Variants in CHD5 observed in about 807,000 individuals in gnomAD.
CHD5 encodes chromodomain helicase DNA binding protein 5.
In CHD5, 69 loss-of-function variants were observed where a neutral mutation model predicts 230.3. That is an observed-to-expected ratio of 0.30 (90% CI 0.25 to 0.37). The LOEUF (loss-of-function observed/expected upper bound fraction) is 0.37. Ranked by LOEUF, CHD5 falls within the 10% of genes least tolerant of loss-of-function variation. The pLI is 1.00. For missense variants in CHD5, 1,827 were observed against 2,622.8 expected (o/e 0.70, Z 6.63); for synonymous variants, 1,064 against 1,065.9 (o/e 1.00, Z 0.03).
intron 34 of CHD5, 63 bp downstream of exon 34, chr1:6,112,846 G>A: frequency 8.1e-7 from 1 of 1,229,808 alleles, no homozygotes; most frequent in Non-Finnish European, 1.2e-6. Context: ...GGCTGAACAG[G>A]GTCCAGAGGG....
At chr1:6,173,034 G>A (rs757422902) in intron 1 of CHD5, among the ~76,000 whole-genome samples, 17 of 151,968 alleles carry the variant, frequency 1.1e-4, no homozygotes, top group East Asian at 1.9e-4. Context: ...TGCAAAGGCC[G>A]GCAAACCTGC....
rs1246256612 is a variant in CHD5 at position 6,180,018 on chromosome 1, C to T, written c.6G>A (p.Arg2=). M[R]GPVGTEEELP... The stretch of plus-strand genomic sequence containing the variant: ...GCTCCTCCTCGGTGCCCACTGGGCC[C>T]CGCATGCCCGGCGCGGGGAGGAGGG... The change falls in exon 1 of 42, where the codon CGG becomes CGA. Residue 2 remains arginine (R), a synonymous_variant. Transcript: ENST00000262450. The T allele has an allele frequency of 1.6e-5, 22 of 1,352,492 alleles. No individual in the cohort carries two copies. The East Asian group carries it at 7.0e-4, about 43-fold the overall frequency. The allele number at this position is 1,352,492 out of a possible 1,614,324, so 83.8% of individuals were successfully genotyped here. A position where few individuals can be genotyped will look rare whatever the true frequency, so the allele number is the denominator to read the frequency against.
At chr1:6,107,790 G>GAATGGAGGGATGATGGAAA (rs1666216466) in intron 38 of CHD5, among the ~76,000 whole-genome samples, 1 of 126,314 alleles carries the variant, frequency 7.9e-6, no homozygotes, top group Non-Finnish European at 1.7e-5. Context: ...GATGATGGAA[G>GAATGGAGGGATGATGGAAA]AATGAAGGGA....
Position 6,179,936 on chromosome 1 carries a change from C to A in CHD5, c.79+9G>T, listed in dbSNP as rs200673070. 1 of 1,317,092 alleles carries A rather than the reference C, an allele frequency of 7.6e-7. No homozygotes were observed. The highest frequency in any genetic ancestry group is 1.4e-5 in the South Asian group (1 of 72,228). 81.6% of individuals were successfully genotyped at this position (1,317,092 alleles called of 1,614,324 possible). The stretch of plus-strand genomic sequence containing the variant: ...GCTCTGGCCCCAGGCGCACCCGCGC[C>A]CCGCTCACCTGACATCTCGTCCTCA... On this transcript the variant is annotated intron_variant, in intron 1 of 41. Transcript: ENST00000262450.
intron 2 of CHD5, among the ~76,000 whole-genome samples, chr1:6,166,167 G>A (rs1667249889): frequency 6.6e-6 from 1 of 151,268 alleles, no homozygotes; most frequent in Non-Finnish European, 1.5e-5. Flanking sequence ...GGGCAGAGGG[G>A]CCAGGGTCTC....
chr1:6,103,768 T>A lies in CHD5; in HGVS notation c.*1706A>T, dbSNP rs1666112934. 6.6e-6 allele frequency: 1 copy of A among 152,208 alleles called. No individual in the cohort carries two copies. Among genetic ancestry groups the A allele is most frequent in the Non-Finnish European group, 1.5e-5 (1 of 68,048 alleles). 9.4% of individuals were successfully genotyped at this position (152,208 alleles called of 1,614,324 possible). A position where few individuals can be genotyped will look rare whatever the true frequency, so the allele number is the denominator to read the frequency against. On this transcript the variant is annotated 3_prime_UTR_variant, in exon 42 of 42. Coordinates refer to ENST00000262450, the MANE Select transcript of CHD5 (RefSeq NM_015557.3). ...CTGGATCCAGACTGGAGTGTGGGAATGCGCCAAGAGGAAGGACTTGTAGGT... is the reference window on the plus strand; with the variant it reads ...CTGGATCCAGACTGGAGTGTGGGAAAGCGCCAAGAGGAAGGACTTGTAGGT...
At chr1:6,137,012 G>A in intron 15 of CHD5, 147 bp from the exon 16 acceptor site, 1 of 745,570 alleles carries the variant, frequency 1.3e-6, no homozygotes, top group South Asian at 2.1e-5. Flanking sequence ...GACCAGAGGG[G>A]CAGATGCTGA....
Position 6,121,181 on chromosome 1 carries a change from G to C in CHD5, c.4836C>G (p.Ala1612=), listed in dbSNP as rs764809136. The C allele has an allele frequency of 6.2e-7, 1 of 1,614,046 alleles. No individual in the cohort carries two copies. The highest frequency in any genetic ancestry group is 8.5e-7 in the Non-Finnish European group (1 of 1,179,984). The part of the protein sequence containing the change: ...VESEDKHESP[A]SKERAREERP... ...GCTCCTCTCGGGCTCTCTCCTTGCTGGCTGGGCTCTCGTGCTTGTCCTCAC... is the reference window on the plus strand; with the variant it reads ...GCTCCTCTCGGGCTCTCTCCTTGCTCGCTGGGCTCTCGTGCTTGTCCTCAC... The change falls in exon 33 of 42, where the codon GCC becomes GCG. Residue 1612 remains alanine, a synonymous_variant. Coordinates refer to ENST00000262450, the MANE Select transcript of CHD5 (RefSeq NM_015557.3). The surrounding 1 kb of genome is among the most constrained non-coding windows in gnomAD (Gnocchi z 4.5).
chr1:6,132,626 G>C (rs371813559), intron 20 of CHD5, among the ~76,000 whole-genome samples: 1 of 152,082 alleles, frequency 6.6e-6, no homozygotes, highest in Non-Finnish European at 1.5e-5. Flanking sequence ...CTTTGTCTCT[G>C]TACATTGCAT....
chr1:6,164,208 C>A (rs957987809), intron 2 of CHD5, among the ~76,000 whole-genome samples: 8 of 152,226 alleles, frequency 5.3e-5, no homozygotes, highest in Admixed American at 2.0e-4. Context: ...CGCACCGCAT[C>A]TCCTAAAAAC....
intron 2 of CHD5, among the ~76,000 whole-genome samples, chr1:6,166,776 C>A (rs1255880431): frequency 6.6e-6 from 1 of 152,158 alleles, no homozygotes; most frequent in Non-Finnish European, 1.5e-5. Flanking sequence ...CCCCCACCAC[C>A]ACCATCTCTC....
intron 15 of CHD5, among the ~76,000 whole-genome samples, chr1:6,141,820 AG>A (rs1322431591): frequency 2.0e-5 from 3 of 152,156 alleles, no homozygotes; most frequent in African/African-American, 7.2e-5. Flanking sequence ...GGAGGAAGGA[AG>A]GGTTCTCCCC....
chr1:6,164,176 T>A (rs1381584134), intron 2 of CHD5, among the ~76,000 whole-genome samples: 2 of 152,160 alleles, frequency 1.3e-5, no homozygotes, highest in African/African-American at 4.8e-5. Context: ...CTCCCTTCCC[T>A]CTAGGCCCGA....
chr1:6,130,189 G>GGCA lies in CHD5; in HGVS notation c.3387+12_3387+14dup. 1 of 1,613,224 alleles carries GGCA rather than the reference G, an allele frequency of 6.2e-7. No homozygotes were observed. Among genetic ancestry groups the GGCA allele is most frequent in the Non-Finnish European group, 8.5e-7 (1 of 1,179,424 alleles). The stretch of plus-strand genomic sequence containing the variant: ...GAGGCCCCCTGGGAGGGTGGTGGGC[G>GGCA]GCAGCAGCACAGACCTGGATGTCAT... On this transcript the variant is annotated intron_variant, in intron 22 of 41. Coordinates refer to ENST00000262450, the MANE Select transcript of CHD5 (RefSeq NM_015557.3). This position sits in a 1 kb window ranked among gnomAD's most constrained non-coding sequence, Gnocchi z 4.9.
At chr1:6,166,745 G>A (rs1228046858) in intron 2 of CHD5, among the ~76,000 whole-genome samples, 2 of 152,106 alleles carry the variant, frequency 1.3e-5, no homozygotes, top group African/African-American at 4.8e-5. Flanking sequence ...GAGGCCCAGA[G>A]GCGAAGGCAG....
At position 6,167,032 on chromosome 1, in the gene CHD5, C is replaced by T; in HGVS notation, c.207+1118G>A. Reference sequence around the variant, plus strand: ...CCTCACTCTGCAGGGAGGCCTAGATCCGGGCCCAGCGCTGCCAAGGGCACC... The same window carrying T: ...CCTCACTCTGCAGGGAGGCCTAGATTCGGGCCCAGCGCTGCCAAGGGCACC... On this transcript the variant is annotated intron_variant, in intron 2 of 41. Coordinates refer to ENST00000262450, the MANE Select transcript of CHD5 (RefSeq NM_015557.3). This position sits in a 1 kb window ranked among gnomAD's most constrained non-coding sequence, Gnocchi z 4.5. 1.3e-5 allele frequency among the ~76,000 whole-genome samples: 2 copies of T among 152,206 alleles called. 1 individual carries two copies. Among genetic ancestry groups the T allele is most frequent in the Non-Finnish European group, 2.9e-5 (2 of 68,040 alleles).
chr1:6,118,946 C>A (rs987949683), intron 33 of CHD5, among the ~76,000 whole-genome samples: 28 of 152,070 alleles, frequency 1.8e-4, no homozygotes, highest in Admixed American at 1.6e-3. Context: ...GATCCACCCA[C>A]CTCAGCCTCC....
intron 38 of CHD5, among the ~76,000 whole-genome samples, chr1:6,109,120 G>T (rs1413980272): frequency 6.6e-6 from 1 of 151,964 alleles, no homozygotes; most frequent in African/African-American, 2.4e-5. Flanking sequence ...CTCTGGGCTG[G>T]GCAAGGGCCC....
chr1:6,106,380 C>A lies in CHD5; in HGVS notation c.5857+15G>T. 1 of 1,606,020 alleles carries A rather than the reference C, an allele frequency of 6.2e-7. No individual in the cohort carries two copies. The highest frequency in any genetic ancestry group is 8.5e-7 in the Non-Finnish European group (1 of 1,176,410). On this transcript the variant is annotated intron_variant, in intron 40 of 41. Transcript: ENST00000262450. ...GCACCCGTGTGCATGCTGCCCGGAGCGGACGGGCACCTACCGGTCACATAG... is the reference window on the plus strand; with the variant it reads ...GCACCCGTGTGCATGCTGCCCGGAGAGGACGGGCACCTACCGGTCACATAG...
Sources: gnomAD v4.1 joint callset for allele counts (sites outside exome capture counted in the v4.1 genomes callset) on GRCh38, gnomAD v4.1.1 for gene constraint, Gnocchi (gnomAD v3.1) non-coding constraint, MANE v1.5 for transcripts, NCBI Gene and HGNC (gene_info 2026-07-23, HGNC 2026-07-21) for gene names.